ADGRV1: variants seen among roughly 807,000 people sequenced by gnomAD.
The protein encoded by ADGRV1 is adhesion G protein-coupled receptor V1.
A neutral mutation model predicts 596.2 loss-of-function variants in ADGRV1; 359 were observed. The ratio of observed to expected loss-of-function variants is 0.60; its 90% CI spans 0.55 to 0.66. The LOEUF (loss-of-function observed/expected upper bound fraction) is 0.66, where lower values mean the gene tolerates loss of function less well. Among genes scored for constraint, ADGRV1 ranks in the 30% least tolerant of loss-of-function variants. The pLI is 0.00. For synonymous variants in ADGRV1, 2,681 were observed against 2,679.2 expected, an observed-to-expected ratio of 1.00 and a Z score of -0.02; for missense variants, 7,274 against 7,575.6, an observed-to-expected ratio of 0.96 and a Z score of 1.48.
intron 86 of ADGRV1, among the ~76,000 whole-genome samples, chr5:91,098,120 T>C (rs1407869653): frequency 1.4e-4 from 21 of 152,202 alleles, no homozygotes. Context: ...TTGGTAAATA[T>C]TGAATTATAG....
At chr5:91,066,962 A>G (rs1787934940) in intron 85 of ADGRV1, among the ~76,000 whole-genome samples, 1 of 152,108 alleles carries the variant, frequency 6.6e-6, no homozygotes, top group Non-Finnish European at 1.5e-5. Flanking sequence ...CAAGTGGAGG[A>G]TGAACATGGA....
At chr5:90,716,318 T>C (rs1319012572) in intron 42 of ADGRV1, 149 bp from the exon 43 acceptor site, 3 of 488,592 alleles carry the variant, frequency 6.1e-6, no homozygotes, top group African/African-American at 3.9e-5. Flanking sequence ...ATTAAATGCT[T>C]TAAAAAATTC....
intron 83 of ADGRV1, among the ~76,000 whole-genome samples, chr5:90,964,854 G>A (rs1778321461): frequency 6.6e-6 from 1 of 152,160 alleles, no homozygotes; most frequent in East Asian, 1.9e-4. Context: ...GAAATTTAGT[G>A]TGGTCAAGAG....
chr5:90,620,189 A>G (rs1763881854), intron 4 of ADGRV1, among the ~76,000 whole-genome samples: 1 of 152,104 alleles, frequency 6.6e-6, no homozygotes, highest in South Asian at 2.1e-4. Context: ...GACTTCCACA[A>G]TGGTTGAACT....
chr5:90,572,406 T>C (rs911534576), intron 1 of ADGRV1, among the ~76,000 whole-genome samples: 1 of 152,082 alleles, frequency 6.6e-6, no homozygotes, highest in Non-Finnish European at 1.5e-5. Context: ...AAAGTTCTTC[T>C]GAAGAATATG....
intron 83 of ADGRV1, among the ~76,000 whole-genome samples, chr5:90,942,243 T>C (rs1406879902): frequency 6.6e-6 from 1 of 152,222 alleles, no homozygotes; most frequent in Non-Finnish European, 1.5e-5. Context: ...GAAACTTATG[T>C]ACTGGACAAT....
intron 38 of ADGRV1, among the ~76,000 whole-genome samples, chr5:90,707,297 G>T (rs1276850992): frequency 6.6e-6 from 1 of 152,140 alleles, no homozygotes; most frequent in Non-Finnish European, 1.5e-5. Context: ...TATAAAAATG[G>T]TACTCACGGA....
chr5:90,814,550 C>T (rs1454297746), intron 74 of ADGRV1, among the ~76,000 whole-genome samples: 1 of 151,992 alleles, frequency 6.6e-6, no homozygotes, highest in African/African-American at 2.4e-5. Context: ...GGGGCAGTTT[C>T]CCCCATGCTG....
intron 43 of ADGRV1, among the ~76,000 whole-genome samples, chr5:90,719,523 C>A (rs1750628650): frequency 6.6e-6 from 1 of 151,852 alleles, no homozygotes; most frequent in African/African-American, 2.4e-5. Flanking sequence ...TGTCTGGCTT[C>A]TTTCACTCAA....
At chr5:90,741,193 G>A (rs1001981350) in intron 50 of ADGRV1, among the ~76,000 whole-genome samples, 2 of 152,028 alleles carry the variant, frequency 1.3e-5, no homozygotes, top group Non-Finnish European at 2.9e-5. Context: ...CCAGTCCCCA[G>A]CCACCTTCTA....
chr5:90,854,216 A>G lies in ADGRV1; in HGVS notation c.17594+15A>G, dbSNP rs1452190481. ...GCTGCTGCAAGGTACTTATTAATAA[A>G]ATAAAAAAATCAGAATTTGGTCCTT... On this transcript the variant is annotated intron_variant, in intron 81 of 89. Coordinates refer to ENST00000405460, the MANE Select transcript of ADGRV1 (RefSeq NM_032119.4). The G allele has an allele frequency of 1.9e-5, 29 of 1,515,686 alleles. No homozygotes were observed. The highest frequency in any genetic ancestry group is 2.6e-5 in the Non-Finnish European group (29 of 1,132,364). 93.9% of individuals were successfully genotyped at this position (1,515,686 alleles called of 1,614,324 possible).
At chr5:90,645,796 G>T (rs575505440) in intron 15 of ADGRV1, among the ~76,000 whole-genome samples, 172 bp from the exon 16 acceptor site, 56 of 151,996 alleles carry the variant, frequency 3.7e-4, no homozygotes, top group Non-Finnish European at 6.3e-4. Flanking sequence ...ACTAATTTTT[G>T]GGGGGGTCTG....
At chr5:91,057,088 G>A (rs1362507764) in intron 85 of ADGRV1, among the ~76,000 whole-genome samples, 2 of 152,080 alleles carry the variant, frequency 1.3e-5, no homozygotes, top group African/African-American at 4.8e-5. Flanking sequence ...ATTTTCTCCT[G>A]ACTCCTCTCC....
intron 89 of ADGRV1, among the ~76,000 whole-genome samples, chr5:91,156,192 T>C (rs115075293): frequency 1.3e-5 from 2 of 152,174 alleles, no homozygotes; most frequent in African/African-American, 2.4e-5. Context: ...GAGATGATAT[T>C]TGAAGCTATG....
chr5:91,104,985 G>T (rs537424982), intron 87 of ADGRV1, among the ~76,000 whole-genome samples: 1 of 150,124 alleles, frequency 6.7e-6, no homozygotes, highest in African/African-American at 2.5e-5. Flanking sequence ...AGCCTCCCAC[G>T]TAGCTGGGAC....
intron 76 of ADGRV1, among the ~76,000 whole-genome samples, chr5:90,827,446 T>C (rs1255069240): frequency 6.6e-6 from 1 of 152,206 alleles, no homozygotes; most frequent in East Asian, 1.9e-4. Context: ...TTAACTTAGA[T>C]TATAACATAT....
intron 86 of ADGRV1, among the ~76,000 whole-genome samples, chr5:91,074,539 G>A (rs1788680592): frequency 6.6e-6 from 1 of 152,184 alleles, no homozygotes; most frequent in Admixed American, 6.5e-5. Context: ...ATTCCATGGT[G>A]TATATGTACC....
At chr5:90,605,933 A>G (rs1018541943) in intron 1 of ADGRV1, among the ~76,000 whole-genome samples, 3 of 152,072 alleles carry the variant, frequency 2.0e-5, no homozygotes, top group Non-Finnish European at 4.4e-5. Context: ...AGGATGATGA[A>G]AAAAAAAGAA....
chr5:90,929,816 T>C (rs950799579), intron 83 of ADGRV1, among the ~76,000 whole-genome samples: 38 of 152,240 alleles, frequency 2.5e-4, no homozygotes, highest in African/African-American at 9.2e-4. Context: ...TGACTACCTT[T>C]AAGTTGTTGA....
Sources: gnomAD v4.1 joint callset for allele counts (sites outside exome capture counted in the v4.1 genomes callset) on GRCh38, gnomAD v4.1.1 for gene constraint, MANE v1.5 for transcripts, NCBI Gene and HGNC (gene_info 2026-07-23, HGNC 2026-07-21) for gene names.